Variants in NOP14 observed in about 807,000 individuals in gnomAD.
The protein encoded by NOP14 is nucleolar protein 14.
In NOP14, 57 loss-of-function variants were observed where a neutral mutation model predicts 101.6. The ratio of observed to expected loss-of-function variants is 0.56; its 90% confidence interval spans 0.45 to 0.70. NOP14 has a LOEUF of 0.70. NOP14 is among the 30% of genes least tolerant of loss of function. The pLI, the probability that NOP14 is intolerant of heterozygous loss-of-function variation, is 0.00. For missense variants in NOP14, 1,134 were observed against 1,075.5 expected (o/e 1.05, Z -0.76); for synonymous variants, 428 against 424.0 (o/e 1.01, Z -0.12).
intron 3 of NOP14, among the ~76,000 whole-genome samples, chr4:2,955,194 T>C (rs1715268407): frequency 1.9e-5 from 1 of 52,162 alleles, no homozygotes; most frequent in Non-Finnish European, 3.4e-5. Context: ...CCCCCTCTAG[T>C]CACCTGGACC....
At position 2,956,731 on chromosome 4, in the gene NOP14, G is replaced by A. The variant is rs767191423; in HGVS notation, c.411C>T (p.Ile137=). ...TGTCCACAATGTCATTATGCTTCTC[G>A]ATGTCTGCCAAAGACTGGCCATAAT... ...LTHYGQSLAD[I]EKHNDIVDSD... The change falls in exon 3 of 18, where the codon ATC becomes ATT. Residue 137 remains isoleucine, a synonymous_variant. Coordinates refer to ENST00000416614, the MANE Select transcript of NOP14 (RefSeq NM_001291978.2). 27 of 1,613,374 alleles carry A rather than the reference G, an allele frequency of 1.7e-5. No homozygotes were observed. The highest frequency in any genetic ancestry group is 6.7e-5 in the East Asian group (3 of 44,884).
In NOP14 at chr4:2,942,257, G is replaced by A. The variant is rs1019020511; in HGVS notation, c.1986C>T (p.Ser662=). The change falls in exon 14 of 18, where the codon AGC becomes AGT. Residue 662 remains serine, a synonymous_variant. Transcript: ENST00000416614. ...TACTCGCCCAGCGGAGGGAGAGGCT[G>A]CTCTGCTGCCACGTGGCCACATCCT... ...AREDVATWQQ[S]SLSLRWASRL... 4.3e-6 allele frequency: 7 copies of A among 1,613,984 alleles called. No individual in the cohort carries two copies. Among genetic ancestry groups the A allele is most frequent in the Admixed American group, 1.7e-5 (1 of 60,012 alleles).
rs771997869 is a variant in NOP14, at chr4:2,945,979, TCTCA to T, written c.1635+429_1635+432del. Among the ~76,000 whole-genome samples, 85 of 74,378 alleles carry T rather than the reference TCTCA, an allele frequency of 1.1e-3. No homozygotes were observed. In the East Asian group the frequency reaches 0.035, roughly 31 times the overall value. The allele number at this position is 74,378 out of a possible 152,430, so 48.8% of individuals were successfully genotyped here. A position where few individuals can be genotyped will look rare whatever the true frequency, so the allele number is the denominator to read the frequency against. On this transcript the variant is annotated intron_variant, in intron 11 of 17. Coordinates refer to ENST00000416614, the MANE Select transcript of NOP14 (RefSeq NM_001291978.2). Reference sequence around the variant, plus strand: ...CCAGATCACCCTCACTGCCGTGCACTCTCACTCCAGATCACCCTCACTGCCGTGC... The same window carrying T: ...CCAGATCACCCTCACTGCCGTGCACTCTCCAGATCACCCTCACTGCCGTGC...
chr4:2,938,390 CAT>C lies in NOP14; in HGVS notation c.*439_*440del, dbSNP rs1240153673. The C allele has an allele frequency of 1.3e-5, 5 of 393,186 alleles. No individual in the cohort carries two copies. The highest frequency in any genetic ancestry group is 8.0e-5 in the East Asian group (1 of 12,486). The allele number at this position is 393,186 out of a possible 1,614,324, so 24.4% of individuals were successfully genotyped here. A position where few individuals can be genotyped will look rare whatever the true frequency, so the allele number is the denominator to read the frequency against. ...ACAAAATTAGCTGGGCGTGGTGGCA[CAT>C]GTCTGTAATCCCAGCTACTCGGGAG... On this transcript the variant is annotated 3_prime_UTR_variant, in exon 18 of 18. Coordinates refer to ENST00000416614, the MANE Select transcript of NOP14 (RefSeq NM_001291978.2).
At chr4:2,960,195 C>T (rs983121658) in intron 1 of NOP14, among the ~76,000 whole-genome samples, 7 of 152,024 alleles carry the variant, frequency 4.6e-5, no homozygotes, top group African/African-American at 1.7e-4. Context: ...TGGTTTCGAA[C>T]TCCTGAGCTC....
chr4:2,947,801 G>T, intron 9 of NOP14, 190 bp from the exon 10 acceptor site: 2 of 607,400 alleles, frequency 3.3e-6, no homozygotes, highest in Admixed American at 2.9e-5. Context: ...GCACTAGAAG[G>T]TGTAGGGGGG....
chr4:2,948,463 A>G (rs1423716046), intron 8 of NOP14, 55 bp from the exon 9 acceptor site: 1 of 1,372,900 alleles, frequency 7.3e-7, no homozygotes, highest in Non-Finnish European at 9.7e-7. Context: ...ATGTATATAT[A>G]TTTATTTTTG....
At position 2,942,252 on chromosome 4, in the gene NOP14, A is replaced by C; in HGVS notation, c.1991T>G (p.Leu664Arg). The C allele has an allele frequency of 6.2e-7, 1 of 1,614,058 alleles. No individual in the cohort carries two copies. Among genetic ancestry groups the C allele is most frequent in the Non-Finnish European group, 8.5e-7 (1 of 1,179,992 alleles). ...EDVATWQQSSLSLRWASRLRA... is the reference protein window; with the variant it reads ...EDVATWQQSSRSLRWASRLRA... ...CAGTCTACTCGCCCAGCGGAGGGAG[A>C]GGCTGCTCTGCTGCCACGTGGCCAC... The change falls in exon 14 of 18, where the codon CTC becomes CGC. Residue 664 changes from leucine to arginine, a missense_variant. By Grantham distance (102) the Leu-to-Arg change is moderately radical. Coordinates refer to ENST00000416614, the MANE Select transcript of NOP14 (RefSeq NM_001291978.2).
At position 2,963,235 on chromosome 4, in the gene NOP14, A is replaced by C. The variant is rs769513788; in HGVS notation, c.85T>G (p.Ser29Ala). 1.3e-6 allele frequency: 2 copies of C among 1,587,058 alleles called. No homozygotes were observed. Among genetic ancestry groups the C allele is most frequent in the Admixed American group, 1.8e-5 (1 of 55,898 alleles). The change falls in exon 1 of 18, where the codon TCC becomes GCC. Residue 29 changes from serine (S) to alanine (A), a missense_variant. Physicochemically the swap from Ser to Ala is moderately conservative, Grantham distance 99. Coordinates refer to ENST00000416614, the MANE Select transcript of NOP14 (RefSeq NM_001291978.2). ...GARGGPAKAN[S>A]NPFEVKVNRQ... ...TTAACTTTCACCTCGAACGGATTGG[A>C]GTTGGCCTTCGCCGGGCCCCCTCGC...
Position 2,951,087 on chromosome 4 carries a change from A to G in NOP14, c.1002+27T>C, listed in dbSNP as rs764518251. ...TTTTTAAATTAAAAAAAGAGAGAGA[A>G]AGAGAAAATGAAGGCAAACATCTTA... On this transcript the variant is annotated intron_variant, in intron 7 of 17. Coordinates refer to ENST00000416614, the MANE Select transcript of NOP14 (RefSeq NM_001291978.2). The G allele has an allele frequency of 1.1e-5, 17 of 1,564,184 alleles. No homozygotes were observed. In the African/African-American group the frequency reaches 2.2e-4, roughly 20 times the overall value.
intron 1 of NOP14, among the ~76,000 whole-genome samples, chr4:2,961,125 A>C (rs56269333): frequency 1.1e-4 from 8 of 73,204 alleles, no homozygotes; most frequent in Admixed American, 1.5e-4. Flanking sequence ...TATTAATATT[A>C]TAATAATATA....
Position 2,946,606 on chromosome 4 carries a change from G to A in NOP14, c.1500-59C>T, listed in dbSNP as rs192062437. The A allele has an allele frequency of 7.8e-4, 1,194 of 1,539,814 alleles. 5 individuals carry two copies. The highest frequency in any genetic ancestry group is 4.9e-3 in the Middle Eastern group (29 of 5,906). The stretch of plus-strand genomic sequence containing the variant: ...GACTTTAGATAAGAAACACAGAAAA[G>A]CCCTGCAAGCCACTTTCCTATGCAG... On this transcript the variant is annotated intron_variant, in intron 10 of 17. Transcript: ENST00000416614.
chr4:2,951,172 T>C lies in NOP14; in HGVS notation c.944A>G (p.Asp315Gly). The C allele has an allele frequency of 6.2e-7, 1 of 1,613,912 alleles. No individual in the cohort carries two copies. The highest frequency in any genetic ancestry group is 8.5e-7 in the Non-Finnish European group (1 of 1,179,732). The change falls in exon 7 of 18, where the codon GAT becomes GGT. Residue 315 changes from aspartate to glycine, a missense_variant. Asp to Gly is a moderately conservative substitution (Grantham distance 94, BLOSUM62 -1). Transcript: ENST00000416614. ...TAGCACGAAGCCATCATTCAGATCA[T>C]CTGCTGACATATGTTTTGGTTTCTT... is the stretch of plus-strand genomic sequence containing the variant. Reference protein sequence around the residue: ...NVKKPKHMSADDLNDGFVLDK... With the variant: ...NVKKPKHMSAGDLNDGFVLDK...
chr4:2,956,763 A>C lies in NOP14; in HGVS notation c.379T>G (p.Leu127Val). Reference sequence around the variant, plus strand: ...GCCAAAGACTGGCCATAATGAGTCAATTCTTCATCTTCATTTAGATTGTAG... The same window carrying C: ...GCCAAAGACTGGCCATAATGAGTCACTTCTTCATCTTCATTTAGATTGTAG... ...SIYNLNEDEE[L>V]THYGQSLADI... Residue 127 changes from leucine to valine, a missense_variant, in exon 3 of 18, where the codon TTG becomes GTG. Physicochemically the swap from Leu to Val is conservative, Grantham distance 32 (BLOSUM62 1). Transcript: ENST00000416614. 1 of 1,613,032 alleles carries C rather than the reference A, an allele frequency of 6.2e-7. No individual in the cohort carries two copies.
At chr4:2,957,881 T>C (rs995333112) in intron 1 of NOP14, 141 bp from the exon 2 acceptor site, 9 of 778,524 alleles carry the variant, frequency 1.2e-5, no homozygotes, top group African/African-American at 5.2e-5. Context: ...TCATGCACGA[T>C]AGGCTTTCTC....
intron 8 of NOP14, 104 bp from the exon 9 acceptor site, chr4:2,948,512 TG>T: frequency 1.1e-6 from 1 of 873,950 alleles, no homozygotes; most frequent in Non-Finnish European, 1.6e-6. Context: ...TGGAGTGCAG[TG>T]GTGCAATCTC....
In NOP14 at chr4:2,956,752, A is replaced by G; in HGVS notation, c.390T>C (p.Tyr130=). The G allele has an allele frequency of 6.2e-7, 1 of 1,613,478 alleles. No individual in the cohort carries two copies. The highest frequency in any genetic ancestry group is 8.5e-7 in the Non-Finnish European group (1 of 1,179,820). ...TCTCGATGTCTGCCAAAGACTGGCC[A>G]TAATGAGTCAATTCTTCATCTTCAT... ...NLNEDEELTH[Y]GQSLADIEKH... The change falls in exon 3 of 18, where the codon TAT becomes TAC. Residue 130 remains tyrosine, a synonymous_variant. Transcript: ENST00000416614.
chr4:2,953,055 A>T lies in NOP14; in HGVS notation c.747+456T>A, dbSNP rs144817595. On this transcript the variant is annotated intron_variant, in intron 5 of 17. Transcript: ENST00000416614. ...AAAGATGCACAGATGACCACATGACACTAATCTGCTGGGATCTAGACTTCT... is the reference window on the plus strand; with the variant it reads ...AAAGATGCACAGATGACCACATGACTCTAATCTGCTGGGATCTAGACTTCT... 3.9e-5 allele frequency among the ~76,000 whole-genome samples: 6 copies of T among 152,394 alleles called. No homozygotes were observed. The East Asian group carries it at 1.2e-3, about 29-fold the overall frequency.
intron 14 of NOP14, 82 bp from the exon 15 acceptor site, chr4:2,941,811 C>A: frequency 6.8e-7 from 1 of 1,467,282 alleles, no homozygotes; most frequent in Non-Finnish European, 9.3e-7. Flanking sequence ...AAATGAACTT[C>A]CCCACTTCCA....
Sources: allele counts gnomAD v4.1 joint callset (sites outside exome capture counted in the v4.1 genomes callset), GRCh38; gene constraint gnomAD v4.1.1; transcripts MANE v1.5; gene names NCBI Gene and HGNC (gene_info 2026-07-23, HGNC 2026-07-21).